The following GPHN variants were observed in gnomAD, a reference collection of about 807,000 sequenced individuals.
GPHN encodes the protein gephyrin.
In GPHN, 17 loss-of-function variants were observed where a neutral mutation model predicts 95.5. That is an observed-to-expected ratio of 0.18 (90% CI 0.12 to 0.27). GPHN has a LOEUF of 0.27. Ranked by LOEUF, GPHN falls within the 10% of genes least tolerant of loss-of-function variation. The pLI is 1.00. For missense variants in GPHN, 660 were observed against 978.1 expected, an observed-to-expected ratio of 0.67 and a Z score of 4.34; for synonymous variants, 320 against 322.5, an observed-to-expected ratio of 0.99 and a Z score of 0.08.
At chr14:66,650,909 T>TA (rs2065009631) in intron 1 of GPHN, among the ~76,000 whole-genome samples, 1 of 152,178 alleles carries the variant, frequency 6.6e-6, no homozygotes, top group Non-Finnish European at 1.5e-5. Context: ...CTGTTATCCT[T>TA]AGAGAAATGC....
intron 1 of GPHN, among the ~76,000 whole-genome samples, chr14:66,643,874 C>G (rs1026350774): frequency 3.3e-5 from 5 of 151,420 alleles, no homozygotes; most frequent in African/African-American, 1.2e-4. Flanking sequence ...AGTTAATTCA[C>G]TGTTTTACTT....
chr14:67,286,960 G>C, the GPHN span, among the ~76,000 whole-genome samples: 1 of 147,232 alleles, frequency 6.8e-6, no homozygotes, highest in African/African-American at 2.5e-5. Flanking sequence ...GCTCACGCCT[G>C]TAATCTCAGC....
the GPHN span, among the ~76,000 whole-genome samples, chr14:67,188,450 TAAGAG>T: frequency 6.6e-6 from 1 of 152,154 alleles, no homozygotes; most frequent in African/African-American, 2.4e-5. Flanking sequence ...CATCAACAGT[TAAGAG>T]ATGAGATCAG....
intron 1 of GPHN, among the ~76,000 whole-genome samples, chr14:66,650,716 T>C (rs1326748554): frequency 6.6e-6 from 1 of 152,226 alleles, no homozygotes; most frequent in Non-Finnish European, 1.5e-5. Flanking sequence ...TGTGTGCTTT[T>C]GTTGCCAACC....
At chr14:66,568,424 C>T (rs1211044531) in intron 1 of GPHN, among the ~76,000 whole-genome samples, 1 of 152,122 alleles carries the variant, frequency 6.6e-6, no homozygotes. Context: ...ACAGTGCCAT[C>T]TACTGAGTCA....
At chr14:66,787,832 C>G (rs1174685820) in intron 3 of GPHN, among the ~76,000 whole-genome samples, 2 of 147,402 alleles carry the variant, frequency 1.4e-5, no homozygotes, top group East Asian at 3.9e-4. Flanking sequence ...TTTCAAAATA[C>G]ATAGTAGGCT....
At chr14:66,608,040 G>GTTTTTTTTTT (rs551854379) in intron 1 of GPHN, among the ~76,000 whole-genome samples, 1 of 117,736 alleles carries the variant, frequency 8.5e-6, no homozygotes, top group Non-Finnish European at 1.6e-5. Context: ...TAGCTTTGTG[G>GTTTTTTTTTT]TTTTTTTTTT....
At chr14:67,597,620 G>A in the GPHN span, among the ~76,000 whole-genome samples, 2 of 152,158 alleles carry the variant, frequency 1.3e-5, no homozygotes, top group Non-Finnish European at 2.9e-5. Context: ...TTAATTAATT[G>A]CATTGAATAA....
chr14:67,057,785 A>G (rs558542861), intron 10 of GPHN, among the ~76,000 whole-genome samples: 1 of 151,998 alleles, frequency 6.6e-6, no homozygotes, highest in African/African-American at 2.4e-5. Context: ...TTTTACTGTC[A>G]GTATCCCAAG....
chr14:66,836,168 C>A (rs2061798512), intron 4 of GPHN, among the ~76,000 whole-genome samples: 1 of 131,216 alleles, frequency 7.6e-6, no homozygotes, highest in Non-Finnish European at 1.5e-5. Context: ...AAGCTGGAGG[C>A]ATCACACTAC....
At chr14:67,065,265 A>G (rs2075996987) in intron 11 of GPHN, among the ~76,000 whole-genome samples, 1 of 152,148 alleles carries the variant, frequency 6.6e-6, no homozygotes, top group Non-Finnish European at 1.5e-5. Flanking sequence ...CTTAATCCTG[A>G]GTTCTAATTT....
the GPHN span, among the ~76,000 whole-genome samples, chr14:67,192,834 A>G: frequency 1.4e-5 from 2 of 146,242 alleles, no homozygotes; most frequent in Admixed American, 1.4e-4. Flanking sequence ...ACAGATCTAT[A>G]TATATATCTA....
intron 21 of GPHN, among the ~76,000 whole-genome samples, chr14:67,178,940 GC>G (rs1454035495): frequency 1.3e-5 from 2 of 152,112 alleles, no homozygotes; most frequent in Non-Finnish European, 2.9e-5. Context: ...AAAAAAAAAT[GC>G]CAACCAGAAA....
chr14:67,383,797 A>G, the GPHN span: 2 of 289,864 alleles, frequency 6.9e-6, no homozygotes, highest in South Asian at 6.7e-5. Context: ...CAAGGCAAAC[A>G]ATCCCAATCT....
At chr14:67,675,103 C>T in the GPHN span, among the ~76,000 whole-genome samples, 1,792 of 152,288 alleles carry the variant, frequency 0.012, 48 homozygotes, top group African/African-American at 0.041. Flanking sequence ...CCTCGTTTCG[C>T]GTCTTGACTG....
chr14:66,812,403 G>A (rs1312130238), intron 3 of GPHN, among the ~76,000 whole-genome samples: 1 of 152,124 alleles, frequency 6.6e-6, no homozygotes, highest in African/African-American at 2.4e-5. Flanking sequence ...ATTTCACAAA[G>A]AAACAAGTGA....
At chr14:67,102,028 C>T (rs900169857) in intron 13 of GPHN, among the ~76,000 whole-genome samples, 6 of 151,948 alleles carry the variant, frequency 3.9e-5, no homozygotes, top group Admixed American at 6.5e-5. Flanking sequence ...CCCGCCACCA[C>T]GCCCGCCTAA....
the GPHN span, among the ~76,000 whole-genome samples, chr14:67,606,687 C>T: frequency 2.0e-5 from 3 of 152,108 alleles, no homozygotes; most frequent in Non-Finnish European, 2.9e-5. Flanking sequence ...GCTCTTGTTG[C>T]CCAGACTGGA....
At chr14:67,713,822 G>A in the GPHN span, among the ~76,000 whole-genome samples, 9 of 152,266 alleles carry the variant, frequency 5.9e-5, no homozygotes, top group Non-Finnish European at 1.0e-4. Flanking sequence ...AATGAACATC[G>A]GTTTGGTCTG....
Sources: gnomAD v4.1 joint callset for allele counts (sites outside exome capture counted in the v4.1 genomes callset) on GRCh38, gnomAD v4.1.1 for gene constraint, MANE v1.5 for transcripts, NCBI Gene and HGNC (gene_info 2026-07-23, HGNC 2026-07-21) for gene names.